The following MUC4 variants were observed in gnomAD, a reference collection of about 807,000 sequenced individuals.
MUC4 encodes the protein mucin 4, cell surface associated.
MUC4 carries 202 observed loss-of-function variants against 257.9 expected under a neutral mutation model. The ratio of observed to expected loss-of-function variants is 0.78; its 90% confidence interval spans 0.70 to 0.88. The LOEUF is 0.88. Among genes scored for constraint, MUC4 ranks in the 40% least tolerant of loss-of-function variants. MUC4 has a pLI of 0.00. For missense variants in MUC4, 5,976 were observed against 6,513.7 expected, an observed-to-expected ratio of 0.92 and a Z score of 2.84; for synonymous variants, 2,351 against 2,757.1, an observed-to-expected ratio of 0.85 and a Z score of 4.62.
chr3:195,769,217 C>G (rs951358443), intron 6 of MUC4, 65 bp from the exon 7 acceptor site: 3 of 1,580,270 alleles, frequency 1.9e-6, no homozygotes, highest in Non-Finnish European at 2.6e-6. Flanking sequence ...TCTCTTATGT[C>G]CCCCCGCCCG....
intron 3 of MUC4, among the ~76,000 whole-genome samples, 178 bp from the exon 4 acceptor site, chr3:195,774,483 T>A (rs1037460789): frequency 6.6e-6 from 1 of 152,158 alleles, no homozygotes; most frequent in African/African-American, 2.4e-5. Context: ...TAAATGCATG[T>A]GGTCATTTTA....
Position 195,790,810 on chromosome 3 carries a change from G to C in MUC4, c.770C>G (p.Ser257Cys), listed in dbSNP as rs1316080081. Residue 257 changes from serine (S) to cysteine (C), a missense_variant, in exon 2 of 25, where the codon TCC (serine) becomes TGC (cysteine). Coordinates refer to ENST00000463781, the MANE Select transcript of MUC4 (RefSeq NM_018406.7). ...TGTTATCTTCTCTGATGTCATCATG[G>C]ATGTGTTTGTGACACTACAGAGGGA... ...TSSLCSVTNTSMMTSEKITVT... is the reference protein window; with the variant it reads ...TSSLCSVTNTCMMTSEKITVT... 6.2e-7 allele frequency: 1 copy of C among 1,613,634 alleles called. No individual in the cohort carries two copies. The highest frequency in any genetic ancestry group is 1.7e-5 in the Admixed American group (1 of 59,994).
At chr3:195,778,275 G>T (rs754214788) in intron 3 of MUC4, 28 bp downstream of exon 3, 1 of 1,558,972 alleles carries the variant, frequency 6.4e-7, no homozygotes, top group African/African-American at 1.4e-5. Context: ...CCCCTCAAAA[G>T]GCACAGGCCT....
intron 5 of MUC4, 81 bp from the exon 6 acceptor site, chr3:195,770,452 C>A (rs1722557068): frequency 1.3e-6 from 2 of 1,541,860 alleles, no homozygotes; most frequent in Non-Finnish European, 1.8e-6. Flanking sequence ...GCCTGAGGAC[C>A]CTGCCCACTT....
Position 195,774,279 on chromosome 3 carries a change from CT to C in MUC4, c.12969del (p.Gly4324AlafsTer103). 1 of 1,579,606 alleles carries C rather than the reference CT, an allele frequency of 6.3e-7. No individual in the cohort carries two copies. Among genetic ancestry groups the C allele is most frequent in the South Asian group, 1.2e-5 (1 of 86,080 alleles). ...ERGVSLFPYG[A>X]GAGDLEFVRR... ...CTGACGAACTCCAGGTCCCCGGCGC[CT>C]GCCCCATAGGGGAAGAGGGAAACTC... On this transcript the variant is annotated frameshift_variant, in exon 4 of 25. Transcript: ENST00000463781. LOFTEE classifies it high-confidence loss of function.
At chr3:195,802,803 A>G (rs999714687) in intron 1 of MUC4, among the ~76,000 whole-genome samples, 4 of 152,162 alleles carry the variant, frequency 2.6e-5, no homozygotes, top group African/African-American at 9.7e-5. Flanking sequence ...TGCGGGAGAC[A>G]TTGTTCAGTT....
Position 195,789,460 on chromosome 3 carries a change from T to C in MUC4, c.2120A>G (p.Gln707Arg), listed in dbSNP as rs1269347049. The C allele has an allele frequency of 1.2e-6, 2 of 1,613,816 alleles. No homozygotes were observed. The highest frequency in any genetic ancestry group is 2.7e-5 in the African/African-American group (2 of 74,910). The change falls in exon 2 of 25, where the codon CAG (glutamine) becomes CGG (arginine). Residue 707 changes from glutamine (Q) to arginine (R), a missense_variant. Transcript: ENST00000463781. ...PAPTGDGHTT[Q>R]APTTALQAAP... is the part of the protein sequence containing the mutation. The stretch of plus-strand genomic sequence containing the variant: ...TGCCTGCAGTGCTGTGGTCGGGGCC[T>C]GGGTTGTGTGACCATCCCCGGTGGG...
chr3:195,776,231 A>G (rs1345112878), intron 3 of MUC4, among the ~76,000 whole-genome samples: 1 of 75,538 alleles, frequency 1.3e-5, no homozygotes, highest in Non-Finnish European at 2.5e-5. Flanking sequence ...CATACCTTCC[A>G]CACCCATACC....
chr3:195,767,805 T>TCACCACCATCACCACCAC (rs1365972352), intron 7 of MUC4, among the ~76,000 whole-genome samples: 13 of 33,674 alleles, frequency 3.9e-4, no homozygotes, highest in Non-Finnish European at 6.0e-4. Context: ...ACCACCATCA[T>TCACCACCATCACCACCAC]CACCACCATC....
intron 3 of MUC4, among the ~76,000 whole-genome samples, chr3:195,777,823 A>G (rs369262609): frequency 7.2e-5 from 4 of 55,942 alleles, no homozygotes; most frequent in African/African-American, 1.3e-4. Flanking sequence ...TACCTTCCAC[A>G]CCCATACCTT....
chr3:195,805,916 G>A (rs141463404), intron 1 of MUC4, among the ~76,000 whole-genome samples: 1,689 of 149,230 alleles, frequency 0.011, 43 homozygotes, highest in African/African-American at 0.039. Flanking sequence ...AGGAGTTCGA[G>A]ACTAGCCTGA....
chr3:195,793,587 G>T (rs537640116), intron 1 of MUC4, among the ~76,000 whole-genome samples: 3 of 152,276 alleles, frequency 2.0e-5, no homozygotes, highest in African/African-American at 7.2e-5. Context: ...GATAAGCACT[G>T]CTTCAAATCG....
In MUC4 at chr3:195,754,330, A is replaced by G; in HGVS notation, c.15211T>C (p.Cys5071Arg). 1 of 1,612,338 alleles carries G rather than the reference A, an allele frequency of 6.2e-7. No individual in the cohort carries two copies. Among genetic ancestry groups the G allele is most frequent in the Non-Finnish European group, 8.5e-7 (1 of 1,179,720 alleles). The change falls in exon 19 of 25, where the codon TGC becomes CGC. Residue 5071 changes from cysteine (C) to arginine (R), a missense_variant. Physicochemically the swap from Cys to Arg is radical, Grantham distance 180. Coordinates refer to ENST00000463781, the MANE Select transcript of MUC4 (RefSeq NM_018406.7). The part of the protein sequence containing the change: ...KCDGGTFGRY[C>R]EGSEDACEEP... The stretch of plus-strand genomic sequence containing the variant: ...TCACAGGCATCCTCGGAGCCCTCGC[A>G]GTAGCGGCCGAAGGTGCCCCCGTCA...
chr3:195,811,593 TCCC>T, intron 1 of MUC4, 140 bp downstream of exon 1: 2 of 665,164 alleles, frequency 3.0e-6, no homozygotes, highest in South Asian at 2.2e-5. Context: ...TCTTTTTCTC[TCCC>T]TTCTCTTCCT....
chr3:195,809,264 T>G (rs1325004966), intron 1 of MUC4, among the ~76,000 whole-genome samples: 1 of 152,232 alleles, frequency 6.6e-6, no homozygotes, highest in African/African-American at 2.4e-5. Context: ...TCCTCTGGCC[T>G]GGGCTTCAGT....
chr3:195,779,556 T>C lies in MUC4; in HGVS notation c.12024A>G (p.Ser4008=), dbSNP rs1726229746. 6 of 1,379,538 alleles carry C rather than the reference T, an allele frequency of 4.3e-6. No individual in the cohort carries two copies. Among genetic ancestry groups the C allele is most frequent in the East Asian group, 2.8e-5 (1 of 35,702 alleles). 85.5% of individuals were successfully genotyped at this position (1,379,538 alleles called of 1,614,324 possible). The change falls in exon 2 of 25, where the codon TCA becomes TCG. Residue 4008 remains serine, a synonymous_variant. Transcript: ENST00000463781. ...GAGGGGTGGCGTGACCTGTAGATACTGAGGAAGTGCTGGTGACAGGAAGAG... is the reference window on the plus strand; with the variant it reads ...GAGGGGTGGCGTGACCTGTAGATACCGAGGAAGTGCTGGTGACAGGAAGAG... The part of the protein sequence containing the change: ...ATPLPVTSTS[S]VSTGHATPLP...
intron 23 of MUC4, chr3:195,749,788 G>C (rs1427161486): frequency 6.6e-6 from 1 of 152,240 alleles, no homozygotes; most frequent in African/African-American, 2.4e-5. Flanking sequence ...AGGTTCCTAG[G>C]CATAAAAGAA....
chr3:195,790,274 T>G lies in MUC4; in HGVS notation c.1306A>C (p.Thr436Pro). Residue 436 changes from threonine (T) to proline (P), a missense_variant, in exon 2 of 25, where the codon ACA (threonine) becomes CCA (proline). By Grantham distance (38) the Thr-to-Pro change is conservative. Transcript: ENST00000463781. ...GGTAGAGAACTGGGGGAGAGTGCTG[T>G]TGACAGAGTGTCTGACCACCATATG... ...STIWWSDTLSTALSPSSLPPK... is the reference protein window; with the variant it reads ...STIWWSDTLSPALSPSSLPPK... 6.2e-7 allele frequency: 1 copy of G among 1,614,020 alleles called. No homozygotes were observed. The highest frequency in any genetic ancestry group is 8.5e-7 in the Non-Finnish European group (1 of 1,179,888).
chr3:195,767,814 T>C (rs866368882), intron 7 of MUC4, among the ~76,000 whole-genome samples: 59 of 42,846 alleles, frequency 1.4e-3, no homozygotes, highest in East Asian at 4.1e-3. Flanking sequence ...ATCACCACCA[T>C]CACCACCACC....
Sources: gnomAD v4.1 joint callset for allele counts (sites outside exome capture counted in the v4.1 genomes callset) on GRCh38, gnomAD v4.1.1 for gene constraint, MANE v1.5 for transcripts, NCBI Gene and HGNC (gene_info 2026-07-23, HGNC 2026-07-21) for gene names.